TMEM132D: variants seen among roughly 807,000 people sequenced by gnomAD.
TMEM132D encodes the protein mature OL transmembrane protein.
TMEM132D carries 21 observed loss-of-function variants against 62.3 expected under a neutral mutation model. The ratio of observed to expected loss-of-function variants is 0.34; its 90% CI spans 0.24 to 0.49. The LOEUF (loss-of-function observed/expected upper bound fraction) is 0.49. Among genes scored for constraint, TMEM132D ranks in the 20% least tolerant of loss-of-function variants. The probability of loss-of-function intolerance (pLI) is 0.99; values close to 1 mark genes in which losing one functional copy is unlikely to be tolerated. For synonymous variants in TMEM132D, 621 were observed against 575.6 expected, an observed-to-expected ratio of 1.08 and a Z score of -1.13; for missense variants, 1,346 against 1,402.8, an observed-to-expected ratio of 0.96 and a Z score of 0.65.
chr12:129,217,591 C>A (rs1879240841), intron 4 of TMEM132D, among the ~76,000 whole-genome samples: 1 of 152,220 alleles, frequency 6.6e-6, no homozygotes, highest in South Asian at 2.1e-4. Context: ...CACAGCCCAA[C>A]ACCTCAACCT....
chr12:129,354,034 C>T (rs1332076276), intron 3 of TMEM132D, among the ~76,000 whole-genome samples: 1 of 152,018 alleles, frequency 6.6e-6, no homozygotes, highest in East Asian at 1.9e-4. Flanking sequence ...GAAAGGGATG[C>T]ACTTAAATAG....
chr12:129,218,302 A>C (rs1879264336), intron 4 of TMEM132D, among the ~76,000 whole-genome samples: 1 of 152,246 alleles, frequency 6.6e-6, no homozygotes, highest in African/African-American at 2.4e-5. Context: ...GGATGGGGAT[A>C]CATTCCGAGA....
chr12:129,497,393 G>A lies in TMEM132D; in HGVS notation c.1115+33666C>T, dbSNP rs181485568. On this transcript the variant is annotated intron_variant, in intron 3 of 8. Coordinates refer to ENST00000422113, the MANE Select transcript of TMEM132D (RefSeq NM_133448.3). ...TTTGAAACTCTAGCTTGTGATAAGT[G>A]GCCCCTGCTCCACGACTCCACCTCT... Among the ~76,000 whole-genome samples the A allele has an allele frequency of 2.6e-5, 4 of 152,250 alleles. No homozygotes were observed. The East Asian group carries it at 5.8e-4, about 22-fold the overall frequency.
intron 3 of TMEM132D, among the ~76,000 whole-genome samples, chr12:129,430,994 A>C (rs1872639854): frequency 6.6e-6 from 1 of 152,218 alleles, no homozygotes; most frequent in Admixed American, 6.5e-5. Flanking sequence ...TCTATGATTA[A>C]ATATCAATCA....
Position 129,867,477 on chromosome 12 carries a change from G to C in TMEM132D, c.79+35784C>G, listed in dbSNP as rs1045445623. ...AGAATAGGGAGATGCTGATGAAAAAGGGAAAACCTTCTATTATGCCAGATG... is the reference window on the plus strand; with the variant it reads ...AGAATAGGGAGATGCTGATGAAAAACGGAAAACCTTCTATTATGCCAGATG... On this transcript the variant is annotated intron_variant, in intron 1 of 8. Coordinates refer to ENST00000422113, the MANE Select transcript of TMEM132D (RefSeq NM_133448.3). This position sits in a 1 kb window ranked among gnomAD's most constrained non-coding sequence, Gnocchi z 4.5. Among the ~76,000 whole-genome samples, 2 of 152,146 alleles carry C rather than the reference G, an allele frequency of 1.3e-5. No homozygotes were observed. The highest frequency in any genetic ancestry group is 4.8e-5 in the African/African-American group (2 of 41,442).
At chr12:129,235,770 T>C (rs554938924) in intron 4 of TMEM132D, among the ~76,000 whole-genome samples, 1 of 152,308 alleles carries the variant, frequency 6.6e-6, no homozygotes, top group South Asian at 2.1e-4. Flanking sequence ...AAATGTTAGG[T>C]AGTGTGACAC....
At chr12:129,694,031 G>A (rs1881133283) in intron 2 of TMEM132D, among the ~76,000 whole-genome samples, 1 of 152,050 alleles carries the variant, frequency 6.6e-6, no homozygotes, top group Admixed American at 6.5e-5. Flanking sequence ...TCCTCTCTCT[G>A]GTGTACTATC....
At chr12:129,288,779 C>G (rs941459613) in intron 4 of TMEM132D, among the ~76,000 whole-genome samples, 3 of 152,166 alleles carry the variant, frequency 2.0e-5, no homozygotes, top group Non-Finnish European at 4.4e-5. Flanking sequence ...TACTAGCACT[C>G]CCCTGTTTGC....
intron 1 of TMEM132D, among the ~76,000 whole-genome samples, chr12:129,743,753 C>CTCAAATCACCGA (rs1869684076): frequency 6.6e-6 from 1 of 152,084 alleles, no homozygotes; most frequent in Admixed American, 6.5e-5. Flanking sequence ...TCAGGGTAGG[C>CTCAAATCACCGA]TCAAATCACC....
intron 3 of TMEM132D, among the ~76,000 whole-genome samples, chr12:129,454,394 G>A (rs899615309): frequency 6.6e-6 from 1 of 152,170 alleles, no homozygotes; most frequent in Non-Finnish European, 1.5e-5. Flanking sequence ...TGTCAGAGAG[G>A]AAGTCAAGGC....
chr12:129,695,528 T>C (rs7312387), intron 2 of TMEM132D, among the ~76,000 whole-genome samples: 58,136 of 152,182 alleles, frequency 0.38, 11,386 homozygotes, highest in East Asian at 0.63. Context: ...ACAGACCACA[T>C]GTCACTGGAC....
intron 5 of TMEM132D, among the ~76,000 whole-genome samples, chr12:129,102,442 TACAC>T (rs59326391): frequency 2.0e-5 from 3 of 149,576 alleles, no homozygotes; most frequent in Non-Finnish European, 3.0e-5. Flanking sequence ...CATATGCACA[TACAC>T]ACATGCAGGC....
intron 3 of TMEM132D, among the ~76,000 whole-genome samples, chr12:129,449,497 A>G (rs1336645319): frequency 6.6e-6 from 1 of 152,194 alleles, no homozygotes; most frequent in Non-Finnish European, 1.5e-5. Context: ...TGCAACACAT[A>G]TTGACAGCTT....
chr12:129,410,545 A>C (rs1440316486), intron 3 of TMEM132D, among the ~76,000 whole-genome samples: 1 of 152,028 alleles, frequency 6.6e-6, no homozygotes, highest in African/African-American at 2.4e-5. Context: ...TTTTTAGTAC[A>C]GATGGGGTTT....
At chr12:129,226,991 G>A (rs985652332) in intron 4 of TMEM132D, among the ~76,000 whole-genome samples, 20 of 152,058 alleles carry the variant, frequency 1.3e-4, no homozygotes, top group East Asian at 3.9e-4. Context: ...CTTATTTAGC[G>A]TCAAGTTTCA....
chr12:129,726,087 G>C (rs763930306), intron 1 of TMEM132D, among the ~76,000 whole-genome samples: 4 of 152,172 alleles, frequency 2.6e-5, no homozygotes, highest in Admixed American at 1.3e-4. Flanking sequence ...ACACTTCATA[G>C]GTGCTGTCTC....
intron 5 of TMEM132D, among the ~76,000 whole-genome samples, chr12:129,158,227 G>A (rs1389899251): frequency 6.6e-6 from 1 of 152,170 alleles, no homozygotes; most frequent in East Asian, 1.9e-4. Flanking sequence ...TAAGGAAACT[G>A]AATACACATG....
intron 3 of TMEM132D, among the ~76,000 whole-genome samples, chr12:129,529,556 A>T (rs1440083303): frequency 6.6e-6 from 1 of 152,274 alleles, no homozygotes; most frequent in Non-Finnish European, 1.5e-5. Context: ...TCTCATAGAC[A>T]AGACTACAAC....
chr12:129,458,261 C>A (rs1873544774), intron 3 of TMEM132D, among the ~76,000 whole-genome samples: 1 of 152,144 alleles, frequency 6.6e-6, no homozygotes, highest in Non-Finnish European at 1.5e-5. Context: ...ATAAAAGGAG[C>A]AAAAGTCTCA....
Sources: gnomAD v4.1 joint callset for allele counts (sites outside exome capture counted in the v4.1 genomes callset) on GRCh38, gnomAD v4.1.1 for gene constraint, Gnocchi (gnomAD v3.1) non-coding constraint, MANE v1.5 for transcripts, NCBI Gene and HGNC (gene_info 2026-07-23, HGNC 2026-07-21) for gene names.